The following ASTN1 variants were observed in gnomAD, a reference collection of about 807,000 sequenced individuals.
The protein encoded by ASTN1 is astrotactin-1.
Under a neutral mutation model 140.7 loss-of-function variants are expected in ASTN1, and 41 were observed. The observed-to-expected ratio is 0.29, with a 90% CI of 0.23 to 0.38. ASTN1 has a LOEUF of 0.38. Ranked by LOEUF, ASTN1 falls within the 10% of genes least tolerant of loss-of-function variation. The pLI, the probability that ASTN1 is intolerant of heterozygous loss-of-function variation, is 1.00. For synonymous variants in ASTN1, 640 were observed against 652.2 expected, an observed-to-expected ratio of 0.98 and a Z score of 0.29; for missense variants, 1,479 against 1,678.8, an observed-to-expected ratio of 0.88 and a Z score of 2.08.
At chr1:177,095,446 G>A (rs1679984158) in intron 1 of ASTN1, among the ~76,000 whole-genome samples, 1 of 152,136 alleles carries the variant, frequency 6.6e-6, no homozygotes, top group Admixed American at 6.5e-5. Flanking sequence ...AGAGAGCAAG[G>A]GCCTGGAGGG....
chr1:176,874,040 G>A (rs1668463063), intron 21 of ASTN1, among the ~76,000 whole-genome samples: 1 of 152,052 alleles, frequency 6.6e-6, no homozygotes, highest in Non-Finnish European at 1.5e-5. Context: ...TCACCTCCCT[G>A]ATGTCCCACC....
At chr1:176,889,178 C>A (rs1488329862) in intron 17 of ASTN1, among the ~76,000 whole-genome samples, 1 of 152,206 alleles carries the variant, frequency 6.6e-6, no homozygotes, top group Non-Finnish European at 1.5e-5. Context: ...CGTAATAGGG[C>A]CAGTCCCTGG....
rs976537129 is a variant in ASTN1, at chr1:176,863,378, G to T, written c.*906C>A. 1.5e-5 allele frequency: 15 copies of T among 985,712 alleles called. No homozygotes were observed. Among genetic ancestry groups the T allele is most frequent in the African/African-American group, 3.5e-5 (2 of 57,208 alleles). The allele number at this position is 985,712 out of a possible 1,614,324, so 61.1% of individuals were successfully genotyped here. A position where few individuals can be genotyped will look rare whatever the true frequency, so the allele number is the denominator to read the frequency against. The stretch of plus-strand genomic sequence containing the variant: ...ACCTGTCCAAGGTAAGAGGTGTGGG[G>T]GTTAAAGATAATCCAGGCACATGGA... On this transcript the variant is annotated 3_prime_UTR_variant, in exon 23 of 23. Transcript: ENST00000361833.
intron 1 of ASTN1, among the ~76,000 whole-genome samples, chr1:177,111,905 G>T (rs1680838382): frequency 6.6e-6 from 1 of 152,134 alleles, no homozygotes; most frequent in African/African-American, 2.4e-5. Context: ...CATCCACAGG[G>T]GTCGGCAACA....
downstream of ASTN1, among the ~76,000 whole-genome samples, chr1:176,859,330 C>T (rs941727680): frequency 1.3e-5 from 2 of 152,130 alleles, no homozygotes; most frequent in Non-Finnish European, 2.9e-5. Flanking sequence ...AGGCAGAGAC[C>T]CACTTCATTG....
At chr1:177,089,636 G>C (rs1679644795) in intron 1 of ASTN1, among the ~76,000 whole-genome samples, 1 of 151,962 alleles carries the variant, frequency 6.6e-6, no homozygotes, top group Non-Finnish European at 1.5e-5. Context: ...TGCATGAAGG[G>C]CTGTTTTGTC....
intron 2 of ASTN1, among the ~76,000 whole-genome samples, chr1:177,039,630 T>C (rs1676879419): frequency 6.6e-6 from 1 of 152,182 alleles, no homozygotes; most frequent in Non-Finnish European, 1.5e-5. Context: ...AGAACCCCAG[T>C]AAAATAACAG....
Position 176,907,392 on chromosome 1 carries a change from C to T in ASTN1, c.2672-12562G>A, listed in dbSNP as rs539875448. Among the ~76,000 whole-genome samples, 4 of 152,312 alleles carry T rather than the reference C, an allele frequency of 2.6e-5. No individual in the cohort carries two copies. In the South Asian group the frequency reaches 8.3e-4, roughly 32 times the overall value. ...ACTGTTTGGTAAAAAGAAACAACTC[C>T]ATTGTTGATGCAGCTATTCCAGCAT... On this transcript the variant is annotated intron_variant, in intron 16 of 22. Transcript: ENST00000361833.
At position 176,946,080 on chromosome 1, in the gene ASTN1, A is replaced by C; in HGVS notation, c.2095T>G (p.Cys699Gly). Residue 699 changes from cysteine (C) to glycine (G), a missense_variant, in exon 13 of 23, where the codon TGC (cysteine) becomes GGC (glycine). Coordinates refer to ENST00000361833, the MANE Select transcript of ASTN1 (RefSeq NM_004319.3). ...DYKLGVDGRS[C>G]QLITETCPEG... ...GGACAGGTCTCCGTGATGAGTTGGC[A>C]AGAGCGTCCATCCACACCAAGCTTG... is the stretch of plus-strand genomic sequence containing the variant. 6.2e-7 allele frequency: 1 copy of C among 1,613,584 alleles called. No homozygotes were observed. The highest frequency in any genetic ancestry group is 8.5e-7 in the Non-Finnish European group (1 of 1,179,618).
chr1:177,015,958 G>A (rs1387152861), intron 7 of ASTN1, among the ~76,000 whole-genome samples: 1 of 152,076 alleles, frequency 6.6e-6, no homozygotes, highest in East Asian at 1.9e-4. Context: ...TCCAAAATTT[G>A]TAAATAACAA....
intron 5 of ASTN1, among the ~76,000 whole-genome samples, chr1:177,026,039 C>A (rs778945328): frequency 6.6e-6 from 1 of 152,076 alleles, no homozygotes; most frequent in Non-Finnish European, 1.5e-5. Context: ...AGTCTTTGGG[C>A]CCAGTGGTGC....
chr1:177,001,379 A>T (rs1028094977), intron 8 of ASTN1, among the ~76,000 whole-genome samples: 6 of 152,226 alleles, frequency 3.9e-5, no homozygotes, highest in Admixed American at 2.0e-4. Context: ...GCAAAGCATC[A>T]TCAATGTGAA....
In ASTN1 at chr1:177,149,099, A is replaced by C. The variant is rs183057690; in HGVS notation, c.283+15295T>G. On this transcript the variant is annotated intron_variant, in intron 1 of 22. Coordinates refer to ENST00000361833, the MANE Select transcript of ASTN1 (RefSeq NM_004319.3). The stretch of plus-strand genomic sequence containing the variant: ...TATATAGTAAACATATATATAGTAA[A>C]TATATATAGTGTATATATAGTAAAT... Among the ~76,000 whole-genome samples the C allele has an allele frequency of 7.9e-3, 1,078 of 136,342 alleles. 8 individuals are homozygous for C. The highest frequency in any genetic ancestry group is 0.014 in the Non-Finnish European group (886 of 64,684). The allele number at this position is 136,342 out of a possible 152,430, so 89.4% of individuals were successfully genotyped here.
At chr1:177,038,306 C>T (rs1676819966) in intron 2 of ASTN1, among the ~76,000 whole-genome samples, 1 of 152,234 alleles carries the variant, frequency 6.6e-6, no homozygotes, top group Admixed American at 6.5e-5. Context: ...CTTTGATTTT[C>T]TTGTCTATCT....
At chr1:177,043,770 A>T (rs1274293230) in intron 2 of ASTN1, among the ~76,000 whole-genome samples, 1 of 152,220 alleles carries the variant, frequency 6.6e-6, no homozygotes, top group South Asian at 2.1e-4. Context: ...TACGAACACG[A>T]TTAGAGCATC....
chr1:176,865,187 C>G (rs1193763472), intron 22 of ASTN1, among the ~76,000 whole-genome samples: 4 of 152,164 alleles, frequency 2.6e-5, no homozygotes, highest in African/African-American at 9.7e-5. Context: ...GTCACTTAGC[C>G]CCAGTCAAAG....
At chr1:177,050,296 G>A (rs1677475178) in intron 2 of ASTN1, among the ~76,000 whole-genome samples, 1 of 152,132 alleles carries the variant, frequency 6.6e-6, no homozygotes, top group African/African-American at 2.4e-5. Flanking sequence ...TAGGGTAGCA[G>A]AACTCACCTC....
chr1:176,931,864 T>G (rs1043897997), intron 16 of ASTN1, among the ~76,000 whole-genome samples: 1 of 152,184 alleles, frequency 6.6e-6, no homozygotes, highest in African/African-American at 2.4e-5. Context: ...AACCTACTCA[T>G]GAGAATTCTA....
chr1:176,939,579 T>C (rs1300087468), intron 14 of ASTN1, among the ~76,000 whole-genome samples: 1 of 152,182 alleles, frequency 6.6e-6, no homozygotes. Flanking sequence ...AGGTGAGCCA[T>C]ATGACATACT....
Sources: gnomAD v4.1 joint callset for allele counts (sites outside exome capture counted in the v4.1 genomes callset) on GRCh38, gnomAD v4.1.1 for gene constraint, MANE v1.5 for transcripts, NCBI Gene and HGNC (gene_info 2026-07-23, HGNC 2026-07-21) for gene names.